The following NETO1 variants were observed in gnomAD, a reference collection of about 807,000 sequenced individuals.
The protein encoded by NETO1 is neuropilin and tolloid like 1, also known as neuropilin and tolloid-like protein 1.
In NETO1, 26 loss-of-function variants were observed where a neutral mutation model predicts 61.3. The observed-to-expected ratio is 0.42, with a 90% CI of 0.31 to 0.59. The LOEUF (loss-of-function observed/expected upper bound fraction) is 0.59, where lower values mean the gene tolerates loss of function less well. Ranked by LOEUF, NETO1 falls within the 20% of genes least tolerant of loss-of-function variation. The probability of loss-of-function intolerance (pLI) is 0.12; values close to 1 mark genes in which losing one functional copy is unlikely to be tolerated. For missense variants in NETO1, 531 were observed against 662.8 expected, an observed-to-expected ratio of 0.80 and a Z score of 2.18; for synonymous variants, 225 against 225.8, an observed-to-expected ratio of 1.00 and a Z score of 0.03.
At chr18:72,834,122 CTG>C (rs1276672635) in intron 4 of NETO1, 29 of 924,232 alleles carry the variant, frequency 3.1e-5, no homozygotes, top group Non-Finnish European at 3.6e-5. Context: ...AATCAATACT[CTG>C]GTATTTAGAG....
Position 72,766,710 on chromosome 18 carries a change from T to C in NETO1, c.869-10563A>G, listed in dbSNP as rs116835747. Among the ~76,000 whole-genome samples the C allele has an allele frequency of 1.3e-3, 203 of 152,290 alleles. 1 individual carries two copies. The highest frequency in any genetic ancestry group is 4.8e-3 in the African/African-American group (200 of 41,574). On this transcript the variant is annotated intron_variant, in intron 7 of 10. Transcript: ENST00000327305. ...TCCTCCCCAATCTTTGTGCAAAAAT[T>C]ACATATTCTTACTGTTCTGAGAGAT... is the stretch of plus-strand genomic sequence containing the variant.
At chr18:72,819,310 G>C (rs73471862) in intron 4 of NETO1, among the ~76,000 whole-genome samples, 2,787 of 152,192 alleles carry the variant, frequency 0.018, 99 homozygotes, top group African/African-American at 0.065. Flanking sequence ...TTGGAATGGT[G>C]TATATATATT....
At chr18:72,835,611 C>A (rs140866863) in intron 4 of NETO1, among the ~76,000 whole-genome samples, 1 of 152,180 alleles carries the variant, frequency 6.6e-6, no homozygotes, top group African/African-American at 2.4e-5. Context: ...GGTATTTCTA[C>A]GGTTTATTGT....
At chr18:72,821,131 C>G (rs2073179545) in intron 4 of NETO1, among the ~76,000 whole-genome samples, 1 of 151,220 alleles carries the variant, frequency 6.6e-6, no homozygotes, top group Admixed American at 6.6e-5. Flanking sequence ...AATCTTGGAA[C>G]AGCCTCCCCT....
chr18:72,765,401 A>G (rs193102709), intron 7 of NETO1, among the ~76,000 whole-genome samples: 4,157 of 152,214 alleles, frequency 0.027, 140 homozygotes, highest in East Asian at 0.084. Flanking sequence ...GTGACAGACT[A>G]TATATCACAA....
Position 72,747,126 on chromosome 18 carries a change from G to A in NETO1, c.*1053C>T, listed in dbSNP as rs543052762. ...AAACCTCAATACTGAAGGACATCCT[G>A]TACCCTAAAAGGTGGAAAGAGTTGA... On this transcript the variant is annotated 3_prime_UTR_variant, in exon 11 of 11. Transcript: ENST00000327305. 1 of 152,038 alleles carries A rather than the reference G, an allele frequency of 6.6e-6. No individual in the cohort carries two copies. The highest frequency in any genetic ancestry group is 1.5e-5 in the Non-Finnish European group (1 of 67,906). The allele number at this position is 152,038 out of a possible 1,614,324, so 9.4% of individuals were successfully genotyped here.
At chr18:72,778,470 G>A (rs1225523000) in intron 7 of NETO1, among the ~76,000 whole-genome samples, 1 of 151,910 alleles carries the variant, frequency 6.6e-6, no homozygotes, top group African/African-American at 2.4e-5. Flanking sequence ...AGGCAGTCAG[G>A]AGTCAAACGT....
chr18:72,746,269 T>A lies in NETO1; in HGVS notation c.*1910A>T, dbSNP rs2145058321. 6.6e-6 allele frequency among the ~76,000 whole-genome samples: 1 copy of A among 152,212 alleles called. No individual in the cohort carries two copies. The highest frequency in any genetic ancestry group is 3.4e-3 in the Middle Eastern group (1 of 294). ...AGATTTCTAAATGGAGAAAGCAATA[T>A]AAGATATGATTAATCCTTTAAAAAA... On this transcript the variant is annotated 3_prime_UTR_variant, in exon 11 of 11. Coordinates refer to ENST00000327305, the MANE Select transcript of NETO1 (RefSeq NM_138966.5).
At chr18:72,828,636 A>C (rs1397642654) in intron 4 of NETO1, among the ~76,000 whole-genome samples, 1 of 152,232 alleles carries the variant, frequency 6.6e-6, no homozygotes, top group Non-Finnish European at 1.5e-5. Flanking sequence ...AGAAGGTATA[A>C]TGTATTCTAC....
At chr18:72,862,073 T>C (rs1033066479) in intron 3 of NETO1, among the ~76,000 whole-genome samples, 1 of 152,138 alleles carries the variant, frequency 6.6e-6, no homozygotes, top group Admixed American at 6.5e-5. Context: ...ATTACTTTTT[T>C]CCCCATACTC....
intron 4 of NETO1, among the ~76,000 whole-genome samples, chr18:72,836,216 C>T (rs1028988184): frequency 1.3e-5 from 2 of 152,096 alleles, no homozygotes; most frequent in African/African-American, 4.8e-5. Flanking sequence ...TTTCCACTGC[C>T]CAGGGTGCTC....
chr18:72,822,552 G>T (rs932753102), intron 4 of NETO1, among the ~76,000 whole-genome samples: 1 of 152,206 alleles, frequency 6.6e-6, no homozygotes, highest in Non-Finnish European at 1.5e-5. Context: ...AAAAACGAGA[G>T]AATTCGCTAG....
intron 4 of NETO1, among the ~76,000 whole-genome samples, chr18:72,801,954 C>A (rs2072521599): frequency 6.6e-6 from 1 of 151,962 alleles, no homozygotes; most frequent in Non-Finnish European, 1.5e-5. Flanking sequence ...AAAAGATGAA[C>A]CTGACATTTC....
intron 3 of NETO1, among the ~76,000 whole-genome samples, chr18:72,862,863 G>A (rs373641168): frequency 9.9e-5 from 15 of 151,852 alleles, no homozygotes; most frequent in African/African-American, 2.4e-4. Flanking sequence ...CTCGTGATCC[G>A]CCCACATCGG....
At chr18:72,761,066 T>C (rs1333185345) in intron 7 of NETO1, among the ~76,000 whole-genome samples, 1 of 152,094 alleles carries the variant, frequency 6.6e-6, no homozygotes, top group African/African-American at 2.4e-5. Context: ...AATGTTAAGA[T>C]GTATGACATA....
chr18:72,835,575 A>T (rs923940674), intron 4 of NETO1, among the ~76,000 whole-genome samples: 4 of 152,188 alleles, frequency 2.6e-5, no homozygotes, highest in Admixed American at 6.5e-5. Flanking sequence ...AAGGATGTAG[A>T]GGTGAAATGA....
intron 4 of NETO1, among the ~76,000 whole-genome samples, chr18:72,807,055 G>A (rs2072697182): frequency 6.6e-6 from 1 of 152,174 alleles, no homozygotes; most frequent in Non-Finnish European, 1.5e-5. Flanking sequence ...TAACAGCAGA[G>A]TAAAGAATAG....
intron 8 of NETO1, among the ~76,000 whole-genome samples, chr18:72,751,369 T>C (rs2070610370): frequency 6.6e-6 from 1 of 152,194 alleles, no homozygotes; most frequent in Non-Finnish European, 1.5e-5. Context: ...TCCTCCACTC[T>C]TGATTCACCA....
intron 4 of NETO1, among the ~76,000 whole-genome samples, chr18:72,823,502 G>A (rs948668065): frequency 6.6e-6 from 1 of 152,000 alleles, no homozygotes; most frequent in African/African-American, 2.4e-5. Context: ...GGAAGAGGAT[G>A]TTTCAAGACC....
Sources: gnomAD v4.1 joint callset for allele counts (sites outside exome capture counted in the v4.1 genomes callset) on GRCh38, gnomAD v4.1.1 for gene constraint, MANE v1.5 for transcripts, NCBI Gene and HGNC (gene_info 2026-07-23, HGNC 2026-07-21) for gene names.